PLEKHA3: variants seen among roughly 807,000 people sequenced by gnomAD.
PLEKHA3 encodes the protein pleckstrin homology domain-containing family A member 3.
A neutral mutation model predicts 39.2 loss-of-function variants in PLEKHA3; 19 were observed. That is an observed-to-expected ratio of 0.48 (90% CI 0.34 to 0.71). The LOEUF (loss-of-function observed/expected upper bound fraction) is 0.71, where lower values mean the gene tolerates loss of function less well. Ranked by LOEUF, PLEKHA3 falls within the 30% of genes least tolerant of loss-of-function variation. The pLI, the probability that PLEKHA3 is intolerant of heterozygous loss-of-function variation, is 0.01. For missense variants in PLEKHA3, 253 were observed against 359.5 expected, an observed-to-expected ratio of 0.70 and a Z score of 2.40; for synonymous variants, 97 against 118.6, an observed-to-expected ratio of 0.82 and a Z score of 1.18.
chr2:178,487,977 A>G (rs1221853112), intron 2 of PLEKHA3, among the ~76,000 whole-genome samples: 1 of 151,948 alleles, frequency 6.6e-6, no homozygotes, highest in African/African-American at 2.4e-5. Flanking sequence ...GATGTTAGCC[A>G]TTTGAATGTC....
intron 7 of PLEKHA3, among the ~76,000 whole-genome samples, chr2:178,501,533 T>C (rs965804773): frequency 6.6e-6 from 1 of 152,008 alleles, no homozygotes. Context: ...CAAGTTCATA[T>C]AAAAGTCAGC....
At chr2:178,486,607 TA>T (rs1452709022) in intron 2 of PLEKHA3, among the ~76,000 whole-genome samples, 1 of 152,244 alleles carries the variant, frequency 6.6e-6, no homozygotes, top group African/African-American at 2.4e-5. Context: ...TTTAATGTTT[TA>T]TAAATGGAAT....
In PLEKHA3 at chr2:178,513,709, G is replaced by A. The variant is rs994421239; in HGVS notation, c.*9822G>A. On this transcript the variant is annotated 3_prime_UTR_variant, in exon 8 of 8. Transcript: ENST00000234453. ...TAGAAGATGAGACAAATTTGCTGTA[G>A]AAGTTACCACTACTTGGTCAAAATA... The A allele has an allele frequency of 2.0e-5, 3 of 151,086 alleles. No homozygotes were observed. Among genetic ancestry groups the A allele is most frequent in the Non-Finnish European group, 4.4e-5 (3 of 67,892 alleles). The allele number at this position is 151,086 out of a possible 1,614,324, so 9.4% of individuals were successfully genotyped here.
At position 178,498,711 on chromosome 2, in the gene PLEKHA3, C is replaced by A. The variant is rs188116477; in HGVS notation, c.616-500C>A. ...TCTTTAAAGTCTTGAATTATTAATGCTGTTTTCCATGAAAACCACACTTTA... is the reference window on the plus strand; with the variant it reads ...TCTTTAAAGTCTTGAATTATTAATGATGTTTTCCATGAAAACCACACTTTA... On this transcript the variant is annotated intron_variant, in intron 5 of 7. Transcript: ENST00000234453. 3.8e-3 allele frequency among the ~76,000 whole-genome samples: 575 copies of A among 152,150 alleles called. 3 individuals carry two copies. Among genetic ancestry groups the A allele is most frequent in the Non-Finnish European group, 6.1e-3 (413 of 67,964 alleles).
At chr2:178,485,826 C>A in intron 2 of PLEKHA3, 69 bp downstream of exon 2, 4 of 1,198,518 alleles carry the variant, frequency 3.3e-6, no homozygotes, top group South Asian at 1.2e-5. Flanking sequence ...ATACTCCAGA[C>A]GAGGAAAAAA....
intron 2 of PLEKHA3, among the ~76,000 whole-genome samples, chr2:178,487,903 G>A (rs2154127631): frequency 6.6e-6 from 1 of 152,094 alleles, no homozygotes; most frequent in East Asian, 1.9e-4. Flanking sequence ...TGTTTGTAGT[G>A]GTATCTCATG....
intron 1 of PLEKHA3, among the ~76,000 whole-genome samples, chr2:178,484,970 G>A (rs1255814179): frequency 6.6e-6 from 1 of 152,250 alleles, no homozygotes; most frequent in African/African-American, 2.4e-5. Flanking sequence ...CAAGGGAAGA[G>A]GGGGTCATAT....
chr2:178,503,839 C>CA lies in PLEKHA3; in HGVS notation c.861dup (p.Gln288ThrfsTer3). On this transcript the variant is annotated frameshift_variant, in exon 8 of 8. Transcript: ENST00000234453. LOFTEE classifies it high-confidence loss of function. ...TTCCTGAAGAAAGCAGACTTATGGC[C>CA]AAAAAACAATCTGAATCAGAAGATA... 1.2e-6 allele frequency: 2 copies of CA among 1,611,700 alleles called. No homozygotes were observed. The highest frequency in any genetic ancestry group is 1.7e-6 in the Non-Finnish European group (2 of 1,178,276).
At position 178,514,446 on chromosome 2, in the gene PLEKHA3, C is replaced by A. The variant is rs189064789; in HGVS notation, c.*10559C>A. ...TTTACTCACAATAAGCAAAGTTGAA[C>A]AACTTAAAATTGATTCCCTGTTTTC... On this transcript the variant is annotated 3_prime_UTR_variant, in exon 8 of 8. Transcript: ENST00000234453. 6.6e-6 allele frequency: 1 copy of A among 151,272 alleles called. No homozygotes were observed. Among genetic ancestry groups the A allele is most frequent in the Non-Finnish European group, 1.5e-5 (1 of 67,688 alleles). 9.4% of individuals were successfully genotyped at this position (151,272 alleles called of 1,614,324 possible).
At chr2:178,486,637 G>A (rs903695720) in intron 2 of PLEKHA3, among the ~76,000 whole-genome samples, 15 of 152,150 alleles carry the variant, frequency 9.9e-5, no homozygotes, top group Admixed American at 9.8e-4. Flanking sequence ...ATTTTCTTTT[G>A]TGTCTGGCTT....
intron 1 of PLEKHA3, 84 bp from the exon 2 acceptor site, chr2:178,485,557 A>T: frequency 1.3e-6 from 1 of 798,144 alleles, no homozygotes; most frequent in South Asian, 1.6e-5. Context: ...AATAATGTGG[A>T]TGGCAGGTTT....
chr2:178,488,012 G>T (rs1685279265), intron 2 of PLEKHA3, among the ~76,000 whole-genome samples: 1 of 151,998 alleles, frequency 6.6e-6, no homozygotes, highest in African/African-American at 2.4e-5. Flanking sequence ...GTTAGCTCAT[G>T]TCTGTAATCC....
chr2:178,491,931 A>T (rs978278931), intron 3 of PLEKHA3, among the ~76,000 whole-genome samples: 2 of 152,164 alleles, frequency 1.3e-5, no homozygotes, highest in African/African-American at 4.8e-5. Context: ...ACCCGCTCTC[A>T]TAGTAACTAA....
At position 178,504,553 on chromosome 2, in the gene PLEKHA3, T is replaced by G. The variant is rs933712329; in HGVS notation, c.*666T>G. On this transcript the variant is annotated 3_prime_UTR_variant, in exon 8 of 8. Transcript: ENST00000234453. ...TTTATTTTCTTGTTGCCTCAAAAGA[T>G]GATTGCATTCTAACTTTTGTGACCT... 1 of 152,406 alleles carries G rather than the reference T, an allele frequency of 6.6e-6. No individual in the cohort carries two copies. The highest frequency in any genetic ancestry group is 1.5e-5 in the Non-Finnish European group (1 of 67,868). 9.4% of individuals were successfully genotyped at this position (152,406 alleles called of 1,614,324 possible). A position where few individuals can be genotyped will look rare whatever the true frequency, so the allele number is the denominator to read the frequency against.
chr2:178,490,372 C>T (rs1685324477), intron 2 of PLEKHA3, among the ~76,000 whole-genome samples: 1 of 152,046 alleles, frequency 6.6e-6, no homozygotes, highest in Non-Finnish European at 1.5e-5. Context: ...ATAAGTGGCC[C>T]CAAGGTGGGG....
intron 7 of PLEKHA3, among the ~76,000 whole-genome samples, 156 bp from the exon 8 acceptor site, chr2:178,503,604 T>C (rs541082299): frequency 6.6e-6 from 1 of 152,064 alleles, no homozygotes; most frequent in East Asian, 1.9e-4. Flanking sequence ...AGTCTAAAAG[T>C]TAAGTTTTCC....
Position 178,501,069 on chromosome 2 carries a change from A to G in PLEKHA3, c.668A>G (p.His223Arg). The G allele has an allele frequency of 1.2e-6, 2 of 1,610,442 alleles. No homozygotes were observed. Among genetic ancestry groups the G allele is most frequent in the Non-Finnish European group, 1.7e-6 (2 of 1,177,868 alleles). ...PGSCSSERSS[H>R]SIKEPVSTLH... is the part of the protein sequence containing the mutation. The stretch of plus-strand genomic sequence containing the variant: ...TTTTACTTAATTTGCAGGAGTAGCC[A>G]CTCTATAAAAGAACCAGTATCTACA... The change falls in exon 7 of 8, where the codon CAC becomes CGC. Residue 223 changes from histidine to arginine, a missense_variant. His to Arg is a conservative substitution (Grantham distance 29). Transcript: ENST00000234453.
In PLEKHA3 at chr2:178,515,695, C is replaced by G. The variant is rs1575151376; in HGVS notation, c.*11808C>G. 2 of 152,008 alleles carry G rather than the reference C, an allele frequency of 1.3e-5. No individual in the cohort carries two copies. Among genetic ancestry groups the G allele is most frequent in the East Asian group, 3.9e-4 (2 of 5,190 alleles). 9.4% of individuals were successfully genotyped at this position (152,008 alleles called of 1,614,324 possible). A position where few individuals can be genotyped will look rare whatever the true frequency, so the allele number is the denominator to read the frequency against. On this transcript the variant is annotated 3_prime_UTR_variant, in exon 8 of 8. Coordinates refer to ENST00000234453, the MANE Select transcript of PLEKHA3 (RefSeq NM_019091.4). Reference sequence around the variant, plus strand: ...TGTTGCTAGTATTTATCTTTGCTTTCTAATTATTTTTTTGTAATTTTTTTG... The same window carrying G: ...TGTTGCTAGTATTTATCTTTGCTTTGTAATTATTTTTTTGTAATTTTTTTG...
At chr2:178,488,110 A>G (rs1372511605) in intron 2 of PLEKHA3, among the ~76,000 whole-genome samples, 5 of 152,114 alleles carry the variant, frequency 3.3e-5, no homozygotes, top group Admixed American at 2.0e-4. Flanking sequence ...TCCTGTCTCC[A>G]CAAAAAGGAA....
Sources: gnomAD v4.1 joint callset for allele counts (sites outside exome capture counted in the v4.1 genomes callset) on GRCh38, gnomAD v4.1.1 for gene constraint, MANE v1.5 for transcripts, NCBI Gene and HGNC (gene_info 2026-07-23, HGNC 2026-07-21) for gene names.